DERA: variants seen among roughly 807,000 people sequenced by gnomAD.
The protein encoded by DERA is deoxyribose-phosphate aldolase.
A neutral mutation model predicts 41.1 loss-of-function variants in DERA; 15 were observed. The observed-to-expected ratio is 0.37, with a 90% confidence interval of 0.24 to 0.56. DERA has a LOEUF of 0.56. DERA is among the 20% of genes least tolerant of loss of function. The pLI, the probability that DERA is intolerant of heterozygous loss-of-function variation, is 0.81. For synonymous variants in DERA, 139 were observed against 137.4 expected (o/e 1.01, Z -0.08); for missense variants, 396 against 403.4 (o/e 0.98, Z 0.16).
rs999874092 is a variant in DERA at position 15,978,470 on chromosome 12, C to T, written c.509-3838C>T. Among the ~76,000 whole-genome samples the T allele has an allele frequency of 2.0e-5, 3 of 152,136 alleles. No individual in the cohort carries two copies. The South Asian group carries it at 6.2e-4, about 32-fold the overall frequency. On this transcript the variant is annotated intron_variant, in intron 5 of 8. Coordinates refer to ENST00000428559, the MANE Select transcript of DERA (RefSeq NM_015954.4). ...TACTAAATGCCTGGTTCTATTCTAG[C>T]AACATATATTATTTAATCATCACAA...
In DERA at chr12:15,957,962, A is replaced by T. The variant is rs954730503; in HGVS notation, c.130-226A>T. Among the ~76,000 whole-genome samples the T allele has an allele frequency of 2.4e-4, 37 of 152,198 alleles. No individual in the cohort carries two copies. Among genetic ancestry groups the T allele is most frequent in the African/African-American group, 8.4e-4 (35 of 41,540 alleles). On this transcript the variant is annotated intron_variant, in intron 2 of 8. Coordinates refer to ENST00000428559, the MANE Select transcript of DERA (RefSeq NM_015954.4). This position sits in a 1 kb window ranked among gnomAD's most constrained non-coding sequence, Gnocchi z 4.8. ...TTGGGATATCTGTGGGAGAAAAAAAATGTTTAAGCCTACTCTTCCTCCCTT... is the reference window on the plus strand; with the variant it reads ...TTGGGATATCTGTGGGAGAAAAAAATTGTTTAAGCCTACTCTTCCTCCCTT...
At chr12:15,950,383 G>A (rs1441542387) in intron 1 of DERA, among the ~76,000 whole-genome samples, 1 of 152,216 alleles carries the variant, frequency 6.6e-6, no homozygotes, top group Non-Finnish European at 1.5e-5. Flanking sequence ...GAGTGTGGCA[G>A]TGAGGAGGAC....
rs1192285218 is a variant in DERA at position 15,999,066 on chromosome 12, G to C, written c.637+16630G>C. Reference sequence around the variant, plus strand: ...ATAGGGAGTTCCCCAATTCCAAACTGTGTCGGGGAATGGGAGGAAATGAGG... The same window carrying C: ...ATAGGGAGTTCCCCAATTCCAAACTCTGTCGGGGAATGGGAGGAAATGAGG... On this transcript the variant is annotated intron_variant, in intron 6 of 8. Transcript: ENST00000428559. The surrounding 1 kb of genome is among the most constrained non-coding windows in gnomAD (Gnocchi z 5.3). Among the ~76,000 whole-genome samples the C allele has an allele frequency of 6.6e-6, 1 of 152,124 alleles. No homozygotes were observed. The highest frequency in any genetic ancestry group is 1.5e-5 in the Non-Finnish European group (1 of 68,024).
rs1272716837 is a variant in DERA at position 15,931,298 on chromosome 12, A to G, written c.31+19884A>G. ...GGACATTCTAAAATTTTAATTTTGG[A>G]AAGTTCTTCATCTAGTAGTTTTCAT... is the stretch of plus-strand genomic sequence containing the variant. On this transcript the variant is annotated intron_variant, in intron 1 of 8. Coordinates refer to ENST00000428559, the MANE Select transcript of DERA (RefSeq NM_015954.4). This position sits in a 1 kb window ranked among gnomAD's most constrained non-coding sequence, Gnocchi z 4.6. Among the ~76,000 whole-genome samples the G allele has an allele frequency of 6.6e-6, 1 of 152,206 alleles. No homozygotes were observed. The highest frequency in any genetic ancestry group is 1.5e-5 in the Non-Finnish European group (1 of 68,036).
intron 1 of DERA, among the ~76,000 whole-genome samples, chr12:15,925,984 G>A (rs914934619): frequency 2.0e-5 from 3 of 151,502 alleles, no homozygotes; most frequent in Non-Finnish European, 4.4e-5. Context: ...TCACACACCC[G>A]GCTGATTTTT....
rs1948250216 is a variant in DERA, at chr12:15,922,309, A to G, written c.31+10895A>G. Among the ~76,000 whole-genome samples, 1 of 152,190 alleles carries G rather than the reference A, an allele frequency of 6.6e-6. No individual in the cohort carries two copies. Among genetic ancestry groups the G allele is most frequent in the Admixed American group, 6.5e-5 (1 of 15,284 alleles). ...AGTCAACATTGTATTATTAACCTTT[A>G]GATAATCATTTAAAAATGCTGTGGG... On this transcript the variant is annotated intron_variant, in intron 1 of 8. Transcript: ENST00000428559. This position sits in a 1 kb window ranked among gnomAD's most constrained non-coding sequence, Gnocchi z 4.9.
chr12:15,993,591 C>T lies in DERA; in HGVS notation c.637+11155C>T, dbSNP rs1024780171. ...CTTCATCACTGGGGAAAGCATAAGA[C>T]CATAGTTTGTATTGGGTTAAGAGAT... is the stretch of plus-strand genomic sequence containing the variant. On this transcript the variant is annotated intron_variant, in intron 6 of 8. Coordinates refer to ENST00000428559, the MANE Select transcript of DERA (RefSeq NM_015954.4). This position sits in a 1 kb window ranked among gnomAD's most constrained non-coding sequence, Gnocchi z 4.4. Among the ~76,000 whole-genome samples the T allele has an allele frequency of 1.3e-5, 2 of 151,520 alleles. No homozygotes were observed. Among genetic ancestry groups the T allele is most frequent in the Non-Finnish European group, 2.9e-5 (2 of 67,940 alleles).
At position 16,036,685 on chromosome 12, in the gene DERA, C is replaced by T. The variant is rs957372465; in HGVS notation, c.901-5C>T. 2 of 1,599,484 alleles carry T rather than the reference C, an allele frequency of 1.3e-6. No individual in the cohort carries two copies. The highest frequency in any genetic ancestry group is 1.7e-6 in the Non-Finnish European group (2 of 1,172,002). On this transcript the variant is annotated splice_polypyrimidine_tract_variant and splice_region_variant and intron_variant, in intron 8 of 8. Coordinates refer to ENST00000428559, the MANE Select transcript of DERA (RefSeq NM_015954.4). The surrounding 1 kb of genome is among the most constrained non-coding windows in gnomAD (Gnocchi z 4.9). Reference sequence around the variant, plus strand: ...TTGTTAATTAAACTCTGCTTTTCCTCACAGATTTACCATCATGTGACTGGA... The same window carrying T: ...TTGTTAATTAAACTCTGCTTTTCCTTACAGATTTACCATCATGTGACTGGA...
chr12:15,968,831 C>G (rs1227173168), intron 5 of DERA, among the ~76,000 whole-genome samples: 1 of 152,156 alleles, frequency 6.6e-6, no homozygotes, highest in Non-Finnish European at 1.5e-5. Context: ...CGATGATGGT[C>G]TGTTGTCAAG....
In DERA at chr12:15,928,781, A is replaced by G. The variant is rs1948306014; in HGVS notation, c.31+17367A>G. Among the ~76,000 whole-genome samples, 1 of 152,244 alleles carries G rather than the reference A, an allele frequency of 6.6e-6. No homozygotes were observed. The highest frequency in any genetic ancestry group is 1.5e-5 in the Non-Finnish European group (1 of 68,044). The stretch of plus-strand genomic sequence containing the variant: ...GGAAAGGTAAGTTTGGTTGGTACCA[A>G]GGAATGACCCTTTATATGTGCAGTT... On this transcript the variant is annotated intron_variant, in intron 1 of 8. Transcript: ENST00000428559. This position sits in a 1 kb window ranked among gnomAD's most constrained non-coding sequence, Gnocchi z 4.6.
intron 1 of DERA, among the ~76,000 whole-genome samples, chr12:15,942,336 T>A (rs1012242909): frequency 6.6e-6 from 1 of 152,214 alleles, no homozygotes. Context: ...TGCTAATTTT[T>A]TTTTGCTGTG....
Position 15,984,514 on chromosome 12 carries a change from A to G in DERA, c.637+2078A>G, listed in dbSNP as rs1460137097. Among the ~76,000 whole-genome samples the G allele has an allele frequency of 6.6e-6, 1 of 152,238 alleles. No homozygotes were observed. The highest frequency in any genetic ancestry group is 1.5e-5 in the Non-Finnish European group (1 of 68,046). ...GTATTCATGGTGTGCTTTACCAGGT[A>G]CATTGAAACAATATTCCTTCGTCCT... On this transcript the variant is annotated intron_variant, in intron 6 of 8. Transcript: ENST00000428559. The surrounding 1 kb of genome is among the most constrained non-coding windows in gnomAD (Gnocchi z 4.5).
At chr12:15,944,612 G>A (rs897310098) in intron 1 of DERA, among the ~76,000 whole-genome samples, 1 of 152,122 alleles carries the variant, frequency 6.6e-6, no homozygotes, top group African/African-American at 2.4e-5. Context: ...TGAGTTCTTT[G>A]TATATTCTGG....
intron 1 of DERA, among the ~76,000 whole-genome samples, chr12:15,949,092 G>A (rs947369814): frequency 6.6e-6 from 1 of 152,144 alleles, no homozygotes; most frequent in African/African-American, 2.4e-5. Flanking sequence ...GGCCGTGTGG[G>A]GTGTCAGTCT....
At chr12:16,006,455 T>C (rs1004871352) in intron 6 of DERA, among the ~76,000 whole-genome samples, 10 of 152,228 alleles carry the variant, frequency 6.6e-5, no homozygotes, top group African/African-American at 2.4e-4. Context: ...AGCCCAAACG[T>C]TACCTATTAG....
chr12:15,930,068 A>G (rs981360083), intron 1 of DERA, among the ~76,000 whole-genome samples: 14 of 152,218 alleles, frequency 9.2e-5, no homozygotes, highest in African/African-American at 3.4e-4. Flanking sequence ...TAAATGAGGT[A>G]TTATTTGTAG....
In DERA at chr12:16,013,135, A is replaced by T. The variant is rs1948957682; in HGVS notation, c.638-19407A>T. ...CAGAATTCTCTCTTTGGCCAGTGTG[A>T]AATTTCCAGTGTTGATACCAGTCTT... is the stretch of plus-strand genomic sequence containing the variant. On this transcript the variant is annotated intron_variant, in intron 6 of 8. Transcript: ENST00000428559. This position sits in a 1 kb window ranked among gnomAD's most constrained non-coding sequence, Gnocchi z 5.8. 6.6e-6 allele frequency among the ~76,000 whole-genome samples: 1 copy of T among 152,200 alleles called. No individual in the cohort carries two copies. Among genetic ancestry groups the T allele is most frequent in the African/African-American group, 2.4e-5 (1 of 41,456 alleles).
chr12:15,952,800 C>G (rs932533624), intron 1 of DERA, among the ~76,000 whole-genome samples: 2 of 152,224 alleles, frequency 1.3e-5, no homozygotes, highest in African/African-American at 4.8e-5. Context: ...CAGCCTGGTG[C>G]TTACAGCACT....
At chr12:15,978,740 C>A (rs1056461119) in intron 5 of DERA, among the ~76,000 whole-genome samples, 1 of 152,122 alleles carries the variant, frequency 6.6e-6, no homozygotes, top group Admixed American at 6.5e-5. Flanking sequence ...GAACATAGAT[C>A]ATGGTGTCCT....
Sources: gnomAD v4.1 joint callset for allele counts (sites outside exome capture counted in the v4.1 genomes callset) on GRCh38, gnomAD v4.1.1 for gene constraint, Gnocchi (gnomAD v3.1) non-coding constraint, MANE v1.5 for transcripts, NCBI Gene and HGNC (gene_info 2026-07-23, HGNC 2026-07-21) for gene names.